The following RNF19A variants were observed in gnomAD, a reference collection of about 807,000 sequenced individuals.
RNF19A encodes E3 ubiquitin-protein ligase RNF19A.
RNF19A carries 32 observed loss-of-function variants against 75.7 expected under a neutral mutation model. The ratio of observed to expected loss-of-function variants is 0.42; its 90% CI spans 0.32 to 0.57. The LOEUF (loss-of-function observed/expected upper bound fraction) is 0.57, where lower values mean the gene tolerates loss of function less well. RNF19A is among the 20% of genes least tolerant of loss of function. The pLI, the probability that RNF19A is intolerant of heterozygous loss-of-function variation, is 0.10. For synonymous variants in RNF19A, 335 were observed against 345.2 expected (o/e 0.97, Z 0.33); for missense variants, 782 against 1,036.3 (o/e 0.75, Z 3.37).
intron 2 of RNF19A, among the ~76,000 whole-genome samples, chr8:100,278,449 G>A (rs2129773277): frequency 6.6e-6 from 1 of 152,264 alleles, no homozygotes; most frequent in Middle Eastern, 3.4e-3. Context: ...AAGTATAAAT[G>A]TCCAGTATGT....
In RNF19A at chr8:100,259,561, A is replaced by G. The variant is rs1326073064; in HGVS notation, c.1826+293T>C. 6.6e-6 allele frequency among the ~76,000 whole-genome samples: 1 copy of G among 152,142 alleles called. No homozygotes were observed. Among genetic ancestry groups the G allele is most frequent in the African/African-American group, 2.4e-5 (1 of 41,410 alleles). ...TACAATTCAGTGATTTTTAGTTGTGATCAGAGCTGTGCAACCATCACCACT... is the reference window on the plus strand; with the variant it reads ...TACAATTCAGTGATTTTTAGTTGTGGTCAGAGCTGTGCAACCATCACCACT... On this transcript the variant is annotated intron_variant, in intron 9 of 9. Transcript: ENST00000341084. The surrounding 1 kb of genome is among the most constrained non-coding windows in gnomAD (Gnocchi z 4.5).
Position 100,333,427 on chromosome 8 carries a change from G to A in RNF19A, c.-243+2681C>T, listed in dbSNP as rs546237589. On this transcript the variant is annotated intron_variant, in intron 1 of 3. Coordinates refer to the RNF19A transcript ENST00000519527. This position sits in a 1 kb window ranked among gnomAD's most constrained non-coding sequence, Gnocchi z 4.7. ...AAGTTCACATAGCTACAAAAACAAAGCTTAAAGCTATTAATGACAAGAGAA... is the reference window on the plus strand; with the variant it reads ...AAGTTCACATAGCTACAAAAACAAAACTTAAAGCTATTAATGACAAGAGAA... Among the ~76,000 whole-genome samples, 17 of 152,262 alleles carry A rather than the reference G, an allele frequency of 1.1e-4. No homozygotes were observed. In the South Asian group the frequency reaches 3.5e-3, roughly 32 times the overall value.
At chr8:100,274,905 T>C (rs1432044103) in intron 3 of RNF19A, 48 bp downstream of exon 3, 2 of 1,430,030 alleles carry the variant, frequency 1.4e-6, no homozygotes, top group South Asian at 1.2e-5. Context: ...TTAAAATAAC[T>C]AGTGTTTTGT....
intron 1 of RNF19A, among the ~76,000 whole-genome samples, chr8:100,295,731 T>C (rs1241051294): frequency 6.6e-6 from 1 of 152,186 alleles, no homozygotes; most frequent in African/African-American, 2.4e-5. Flanking sequence ...TAACTTAAAG[T>C]GATCTACTAG....
rs758462264 is a variant in RNF19A at position 100,259,030 on chromosome 8, C to G, written c.2043G>C (p.Lys681Asn). 6.2e-7 allele frequency: 1 copy of G among 1,614,148 alleles called. No homozygotes were observed. The highest frequency in any genetic ancestry group is 1.7e-5 in the Admixed American group (1 of 60,016). The change falls in exon 10 of 10, where the codon AAG becomes AAC. Residue 681 changes from lysine to asparagine, a missense_variant. Transcript: ENST00000341084. This position sits in a 1 kb window ranked among gnomAD's most constrained non-coding sequence, Gnocchi z 4.5. Reference sequence around the variant, plus strand: ...TCGTCTCATTTATCTTCATGTTACCCTTTTTCCTCAGTTTACCACTTTTTG... The same window carrying G: ...TCGTCTCATTTATCTTCATGTTACCGTTTTTCCTCAGTTTACCACTTTTTG... ...KKSKSGKLRKKGNMKINETRE... is the reference protein window; with the variant it reads ...KKSKSGKLRKNGNMKINETRE...
intron 1 of RNF19A, among the ~76,000 whole-genome samples, chr8:100,328,793 A>G (rs1822573698): frequency 6.6e-6 from 1 of 152,192 alleles, no homozygotes; most frequent in African/African-American, 2.4e-5. Flanking sequence ...TAAGACAGCA[A>G]TGGTTGTGCA....
At position 100,269,034 on chromosome 8, in the gene RNF19A, T is replaced by A. The variant is rs6997022; in HGVS notation, c.1029-87A>T. On this transcript the variant is annotated intron_variant, in intron 4 of 9. Transcript: ENST00000341084. This position sits in a 1 kb window ranked among gnomAD's most constrained non-coding sequence, Gnocchi z 5.7. ...ACTATATTAAAACAATGACTATTTT[T>A]AAAAACTTCTCATAGTTAGGAGCTT... 14,395 of 1,089,366 alleles carry A rather than the reference T, an allele frequency of 0.013. 1,326 individuals are homozygous for A. The African/African-American group carries it at 0.2, about 15-fold the overall frequency. 67.5% of individuals were successfully genotyped at this position (1,089,366 alleles called of 1,614,324 possible). A position where few individuals can be genotyped will look rare whatever the true frequency, so the allele number is the denominator to read the frequency against.
chr8:100,285,829 A>G (rs1820992150), intron 2 of RNF19A, among the ~76,000 whole-genome samples: 1 of 152,046 alleles, frequency 6.6e-6, no homozygotes, highest in African/African-American at 2.4e-5. Context: ...AAAAATTTAG[A>G]GGAATGTATG....
chr8:100,310,334 G>C (rs944679442), upstream of RNF19A: 90 of 783,136 alleles, frequency 1.1e-4, no homozygotes, highest in African/African-American at 1.4e-3. Flanking sequence ...CCCCACGCCT[G>C]TCCCTGGCGG....
At chr8:100,272,259 C>G (rs996552602) in intron 3 of RNF19A, among the ~76,000 whole-genome samples, 6 of 152,038 alleles carry the variant, frequency 3.9e-5, no homozygotes, top group African/African-American at 1.2e-4. Flanking sequence ...GCAGTGCTGT[C>G]ACAATTTAAA....
intron 1 of RNF19A, among the ~76,000 whole-genome samples, chr8:100,316,567 AG>A (rs1822379160): frequency 6.6e-6 from 1 of 152,164 alleles, no homozygotes; most frequent in African/African-American, 2.4e-5. Flanking sequence ...GCCCCACCAG[AG>A]CAGCTAGATA....
chr8:100,265,166 T>G (rs954534606), intron 5 of RNF19A, among the ~76,000 whole-genome samples: 6 of 152,204 alleles, frequency 3.9e-5, no homozygotes, highest in African/African-American at 1.4e-4. Context: ...ATTCTAAAGG[T>G]TTCTTTCTAA....
Position 100,322,020 on chromosome 8 carries a change from T to C in RNF19A, c.-242-8648A>G, listed in dbSNP as rs1780891569. Among the ~76,000 whole-genome samples the C allele has an allele frequency of 1.3e-5, 2 of 152,110 alleles. No homozygotes were observed. Among genetic ancestry groups the C allele is most frequent in the Admixed American group, 1.3e-4 (2 of 15,264 alleles). On this transcript the variant is annotated intron_variant, in intron 1 of 3. Coordinates refer to the RNF19A transcript ENST00000519527. The surrounding 1 kb of genome is among the most constrained non-coding windows in gnomAD (Gnocchi z 5.1). Reference sequence around the variant, plus strand: ...TTTTTTCTTTATCAATACCCTGACATAATTTAGCTTAATTCTTAAAAGCCC... The same window carrying C: ...TTTTTTCTTTATCAATACCCTGACACAATTTAGCTTAATTCTTAAAAGCCC...
upstream of RNF19A, chr8:100,313,407 G>A (rs1822329439): frequency 1.5e-6 from 1 of 663,592 alleles, no homozygotes; most frequent in African/African-American, 2.0e-5. Context: ...TAGTTAGGAG[G>A]TGGGGAAGAC....
In RNF19A at chr8:100,316,675, G is replaced by A. The variant is rs572672792; in HGVS notation, c.-242-3303C>T. 7.1e-3 allele frequency among the ~76,000 whole-genome samples: 1,081 copies of A among 152,304 alleles called. 16 individuals carry two copies. Among genetic ancestry groups the A allele is most frequent in the African/African-American group, 0.024 (997 of 41,560 alleles). On this transcript the variant is annotated intron_variant, in intron 1 of 3. Coordinates refer to the RNF19A transcript ENST00000519527. ...TGAGCTAGACATAAAGACTCTCCAC[G>A]TCCCCACCAGACTCAGGAGCCCAGC...
upstream of RNF19A, among the ~76,000 whole-genome samples, chr8:100,311,717 C>CAAAAAA (rs55695585): frequency 2.2e-5 from 2 of 89,938 alleles, no homozygotes; most frequent in African/African-American, 4.6e-5. Flanking sequence ...GACTCCGTCT[C>CAAAAAA]AAAAAAAAAA....
At chr8:100,297,325 G>C (rs1481814249) in intron 1 of RNF19A, among the ~76,000 whole-genome samples, 1 of 152,162 alleles carries the variant, frequency 6.6e-6, no homozygotes, top group Non-Finnish European at 1.5e-5. Flanking sequence ...TAGGTTCTAT[G>C]ATCTCTACCA....
intron 2 of RNF19A, among the ~76,000 whole-genome samples, chr8:100,281,314 A>G (rs1388223902): frequency 6.6e-6 from 1 of 152,182 alleles, no homozygotes; most frequent in Non-Finnish European, 1.5e-5. Context: ...GAAAATGCCA[A>G]GTAAAATTAA....
chr8:100,320,647 C>T (rs995360906), intron 1 of RNF19A, among the ~76,000 whole-genome samples: 9 of 152,052 alleles, frequency 5.9e-5, no homozygotes, highest in African/African-American at 2.2e-4. Flanking sequence ...TCCTTTAGGC[C>T]TGTTTTCTCA....
Sources: gnomAD v4.1 joint callset for allele counts (sites outside exome capture counted in the v4.1 genomes callset) on GRCh38, gnomAD v4.1.1 for gene constraint, Gnocchi (gnomAD v3.1) non-coding constraint, MANE v1.5 for transcripts, NCBI Gene and HGNC (gene_info 2026-07-23, HGNC 2026-07-21) for gene names.